The following SASH1 variants were observed in gnomAD, a reference collection of about 807,000 sequenced individuals.
SASH1 encodes SAM and SH3 domain containing 1.
In SASH1, 44 loss-of-function variants were observed where a neutral mutation model predicts 125.2. That is an observed-to-expected ratio of 0.35 (90% CI 0.28 to 0.45). The LOEUF (loss-of-function observed/expected upper bound fraction) is 0.45, where lower values mean the gene tolerates loss of function less well. Among genes scored for constraint, SASH1 ranks in the 20% least tolerant of loss-of-function variants. The pLI is 1.00. For missense variants in SASH1, 1,426 were observed against 1,614.5 expected (o/e 0.88, Z 2.00); for synonymous variants, 639 against 649.1 (o/e 0.98, Z 0.24).
intron 8 of SASH1, among the ~76,000 whole-genome samples, chr6:148,506,012 G>T (rs924275910): frequency 6.6e-6 from 1 of 151,460 alleles, no homozygotes; most frequent in African/African-American, 2.4e-5. Flanking sequence ...CTCGTGATCT[G>T]CCCACCTCGG....
At chr6:148,473,100 C>G (rs2115133341) in intron 6 of SASH1, among the ~76,000 whole-genome samples, 1 of 152,314 alleles carries the variant, frequency 6.6e-6, no homozygotes, top group East Asian at 1.9e-4. Context: ...GAGGTTCTAG[C>G]TGCCTTCAGG....
At chr6:148,243,450 A>AAATAATAATAATAATAATAAT in the SASH1 span, among the ~76,000 whole-genome samples, 29 of 138,560 alleles carry the variant, frequency 2.1e-4, no homozygotes, top group Non-Finnish European at 2.9e-4. Context: ...AATTCCATCT[A>AAATAATAATAATAATAATAAT]AATAATAATA....
intron 1 of SASH1, among the ~76,000 whole-genome samples, chr6:148,351,111 G>C (rs1053022881): frequency 6.6e-6 from 1 of 151,218 alleles, no homozygotes; most frequent in Non-Finnish European, 1.5e-5. Context: ...TGGAGACTGG[G>C]TATCCAGGCA....
At chr6:148,510,474 T>A (rs997334504) in intron 8 of SASH1, among the ~76,000 whole-genome samples, 1 of 152,226 alleles carries the variant, frequency 6.6e-6, no homozygotes, top group Non-Finnish European at 1.5e-5. Context: ...CTTTTATTTT[T>A]TAACTTTAGT....
At chr6:148,313,787 C>CA in intron 1 of SASH1, among the ~76,000 whole-genome samples, 1 of 152,236 alleles carries the variant, frequency 6.6e-6, no homozygotes. Context: ...CTCCTTCTGG[C>CA]GGAGAAGTGG....
upstream of SASH1, among the ~76,000 whole-genome samples, chr6:148,340,261 G>T (rs1273624595): frequency 1.3e-5 from 2 of 152,020 alleles, no homozygotes; most frequent in African/African-American, 4.8e-5. Context: ...GAGGCGGGTG[G>T]ATCATGAGGT....
Position 148,487,112 on chromosome 6 carries a change from C to CACACAT in SASH1, c.628-501_628-500insCACATA, listed in dbSNP as rs773423176. On this transcript the variant is annotated intron_variant, in intron 7 of 19. Coordinates refer to ENST00000367467, the MANE Select transcript of SASH1 (RefSeq NM_015278.5). ...ATATATACACACACACACACACACA[C>CACACAT]ATATATATATATATATATGTGTATG... 9.4e-4 allele frequency among the ~76,000 whole-genome samples: 114 copies of CACACAT among 120,662 alleles called. 2 individuals are homozygous for CACACAT. The highest frequency in any genetic ancestry group is 4.3e-3 in the Middle Eastern group (1 of 232). The allele number at this position is 120,662 out of a possible 152,430, so 79.2% of individuals were successfully genotyped here. A position where few individuals can be genotyped will look rare whatever the true frequency, so the allele number is the denominator to read the frequency against.
upstream of SASH1, among the ~76,000 whole-genome samples, chr6:148,340,213 G>A (rs1359574609): frequency 1.3e-5 from 2 of 152,108 alleles, no homozygotes; most frequent in Non-Finnish European, 2.9e-5. Flanking sequence ...GGCCAGGCAC[G>A]GTGGCTCATG....
chr6:148,494,706 C>T (rs1188662252), intron 8 of SASH1, among the ~76,000 whole-genome samples: 2 of 152,152 alleles, frequency 1.3e-5, no homozygotes, highest in Non-Finnish European at 2.9e-5. Flanking sequence ...CACCTTACCT[C>T]CATGTGTGCA....
At chr6:148,204,260 G>GTGC in the SASH1 span, among the ~76,000 whole-genome samples, 1 of 152,312 alleles carries the variant, frequency 6.6e-6, no homozygotes, top group South Asian at 2.1e-4. Context: ...TGCGGAATAG[G>GTGC]TGCTGGATGC....
the SASH1 span, among the ~76,000 whole-genome samples, chr6:148,199,029 G>T: frequency 6.6e-6 from 1 of 152,150 alleles, no homozygotes; most frequent in Non-Finnish European, 1.5e-5. Flanking sequence ...GAGGCAAAGA[G>T]AAGTTAAATG....
At chr6:148,241,102 A>G in the SASH1 span, among the ~76,000 whole-genome samples, 1 of 152,216 alleles carries the variant, frequency 6.6e-6, no homozygotes, top group African/African-American at 2.4e-5. Flanking sequence ...GGGAAAAAAA[A>G]TATCCACTGG....
intron 11 of SASH1, 97 bp downstream of exon 11, chr6:148,525,462 C>T (rs1562483496): frequency 1.5e-5 from 15 of 1,011,528 alleles, no homozygotes; most frequent in Middle Eastern, 4.1e-4. Flanking sequence ...TACTGGGTAC[C>T]GTTTTCCTTG....
intron 4 of SASH1, among the ~76,000 whole-genome samples, chr6:148,465,469 G>C (rs1777788722): frequency 6.6e-6 from 1 of 151,828 alleles, no homozygotes; most frequent in South Asian, 2.1e-4. Context: ...GCATGAACCT[G>C]GGGGTGGAGG....
the SASH1 span, among the ~76,000 whole-genome samples, chr6:148,233,675 G>A: frequency 6.9e-6 from 1 of 145,660 alleles, no homozygotes; most frequent in Non-Finnish European, 1.5e-5. Flanking sequence ...AGGGAGGATT[G>A]CTTGAGGTCA....
At chr6:148,433,406 CT>C (rs5880780) in intron 2 of SASH1, among the ~76,000 whole-genome samples, 18,633 of 127,736 alleles carry the variant, frequency 0.15, 755 homozygotes, top group South Asian at 0.27. Flanking sequence ...TTTCTTTTTT[CT>C]TTTTTTTTTT....
rs566372022 is a variant in SASH1, at chr6:148,439,581, ACC to A, written c.286-601_286-600del. On this transcript the variant is annotated intron_variant, in intron 2 of 19. Coordinates refer to ENST00000367467, the MANE Select transcript of SASH1 (RefSeq NM_015278.5). ...ATCATGAGGTCAAGAGATCGAGACC[ACC>A]CTGGCCAACATAGTGAAATCCCATC... is the stretch of plus-strand genomic sequence containing the variant. Among the ~76,000 whole-genome samples the A allele has an allele frequency of 1.4e-4, 22 of 152,230 alleles. 1 individual carries two copies. The highest frequency in any genetic ancestry group is 5.1e-4 in the African/African-American group (21 of 41,532).
intron 4 of SASH1, among the ~76,000 whole-genome samples, chr6:148,446,326 T>C (rs774049959): frequency 4.6e-5 from 7 of 151,990 alleles, no homozygotes; most frequent in African/African-American, 9.7e-5. Context: ...GCCAGGATGG[T>C]CTTGATCTCC....
the SASH1 span, among the ~76,000 whole-genome samples, chr6:148,200,006 T>G: frequency 7.2e-5 from 11 of 152,242 alleles, no homozygotes; most frequent in African/African-American, 2.2e-4. Flanking sequence ...AATAGTAGTA[T>G]TTCTCATCTG....
Sources: allele counts gnomAD v4.1 joint callset (sites outside exome capture counted in the v4.1 genomes callset), GRCh38; gene constraint gnomAD v4.1.1; transcripts MANE v1.5; gene names NCBI Gene and HGNC (gene_info 2026-07-23, HGNC 2026-07-21).